The following IQCH variants were observed in gnomAD, a reference collection of about 807,000 sequenced individuals.
IQCH encodes the protein IQ domain-containing protein H.
A neutral mutation model predicts 117.0 loss-of-function variants in IQCH; 98 were observed. The ratio of observed to expected loss-of-function variants is 0.84; its 90% CI spans 0.71 to 0.99. The LOEUF (loss-of-function observed/expected upper bound fraction) is 0.99, where lower values mean the gene tolerates loss of function less well. Among genes scored for constraint, IQCH ranks in the 50% least tolerant of loss-of-function variants. The probability of loss-of-function intolerance (pLI) is 0.00; values close to 1 mark genes in which losing one functional copy is unlikely to be tolerated. For missense variants in IQCH, 1,102 were observed against 1,243.8 expected (o/e 0.89, Z 1.72); for synonymous variants, 412 against 448.2 (o/e 0.92, Z 1.02).
rs1190099654 is a variant in IQCH at position 67,413,074 on chromosome 15, T to G, written c.2098-3857T>G. On this transcript the variant is annotated intron_variant, in intron 14 of 20. Transcript: ENST00000335894. The surrounding 1 kb of genome is among the most constrained non-coding windows in gnomAD (Gnocchi z 5.0). Reference sequence around the variant, plus strand: ...GAGTGTTTGTCTGTTATGGAAGGTGTGTGTGTGTGTGTGTGTGTGTGTGTG... The same window carrying G: ...GAGTGTTTGTCTGTTATGGAAGGTGGGTGTGTGTGTGTGTGTGTGTGTGTG... Among the ~76,000 whole-genome samples the G allele has an allele frequency of 6.9e-6, 1 of 145,192 alleles. No homozygotes were observed. Among genetic ancestry groups the G allele is most frequent in the Non-Finnish European group, 1.5e-5 (1 of 67,502 alleles).
chr15:67,344,481 T>C (rs756574138), intron 6 of IQCH, among the ~76,000 whole-genome samples: 22 of 152,216 alleles, frequency 1.4e-4, no homozygotes, highest in Non-Finnish European at 5.9e-5. Flanking sequence ...AAAAAGATGA[T>C]GTGGATTTAT....
intron 16 of IQCH, among the ~76,000 whole-genome samples, chr15:67,439,537 G>A (rs1172513581): frequency 1.3e-5 from 2 of 152,008 alleles, no homozygotes; most frequent in Admixed American, 1.3e-4. Context: ...CAGAAGAAAG[G>A]AAATTACCAA....
chr15:67,341,880 T>A (rs1283693822), intron 5 of IQCH, among the ~76,000 whole-genome samples: 1 of 152,206 alleles, frequency 6.6e-6, no homozygotes, highest in Non-Finnish European at 1.5e-5. Flanking sequence ...TAAATTTGCA[T>A]GTGTATAAAC....
chr15:67,348,387 A>G (rs1177966647), intron 6 of IQCH, among the ~76,000 whole-genome samples: 1 of 152,092 alleles, frequency 6.6e-6, no homozygotes, highest in Non-Finnish European at 1.5e-5. Context: ...ACACGCACAC[A>G]CAAAAGCTAC....
intron 4 of IQCH, among the ~76,000 whole-genome samples, chr15:67,290,206 C>A (rs1215174907): frequency 6.6e-6 from 1 of 152,050 alleles, no homozygotes; most frequent in Admixed American, 6.6e-5. Flanking sequence ...AGGCTTCTGT[C>A]AGAGCTTTTC....
In IQCH at chr15:67,416,527, A is replaced by AT. The variant is rs2081581849; in HGVS notation, c.2098-404_2098-403insT. Among the ~76,000 whole-genome samples the AT allele has an allele frequency of 6.6e-6, 1 of 152,134 alleles. No homozygotes were observed. The highest frequency in any genetic ancestry group is 6.5e-5 in the Admixed American group (1 of 15,294). ...AGCAAAACTGCGTCTCAAAAAAAAA[A>AT]AGAAAAAACAAAAAACAAAAACAAA... On this transcript the variant is annotated intron_variant, in intron 14 of 20. Transcript: ENST00000335894. This position sits in a 1 kb window ranked among gnomAD's most constrained non-coding sequence, Gnocchi z 5.1.
At position 67,433,213 on chromosome 15, in the gene IQCH, A is replaced by G. The variant is rs747130663; in HGVS notation, c.2505+11636A>G. Among the ~76,000 whole-genome samples, 1 of 152,210 alleles carries G rather than the reference A, an allele frequency of 6.6e-6. No homozygotes were observed. Among genetic ancestry groups the G allele is most frequent in the Non-Finnish European group, 1.5e-5 (1 of 68,038 alleles). ...TTAAAAGGGCTGTATCTTTGTGTCA[A>G]TGAAAGAGACCTATAATATGCAAGT... is the stretch of plus-strand genomic sequence containing the variant. On this transcript the variant is annotated intron_variant, in intron 16 of 20. Transcript: ENST00000335894. The surrounding 1 kb of genome is among the most constrained non-coding windows in gnomAD (Gnocchi z 5.4).
At chr15:67,277,607 C>T (rs1305974937) in intron 3 of IQCH, among the ~76,000 whole-genome samples, 2 of 150,748 alleles carry the variant, frequency 1.3e-5, no homozygotes, top group African/African-American at 4.9e-5. Flanking sequence ...AATCTCGGCT[C>T]ACTGCAAGCT....
chr15:67,475,687 C>A lies in IQCH; in HGVS notation c.2677-9C>A, dbSNP rs1295167622. 1 of 1,613,048 alleles carries A rather than the reference C, an allele frequency of 6.2e-7. No individual in the cohort carries two copies. Among genetic ancestry groups the A allele is most frequent in the East Asian group, 2.2e-5 (1 of 44,884 alleles). On this transcript the variant is annotated splice_polypyrimidine_tract_variant and intron_variant, in intron 17 of 20. Transcript: ENST00000335894. The surrounding 1 kb of genome is among the most constrained non-coding windows in gnomAD (Gnocchi z 5.7). ...TATCTGTTTAATATTCAGTTGTGCT[C>A]CTTTCCAGATGCTGGCAACCAGTCG... is the stretch of plus-strand genomic sequence containing the variant.
At chr15:67,367,026 A>G (rs1459380600) in intron 8 of IQCH, among the ~76,000 whole-genome samples, 6 of 152,112 alleles carry the variant, frequency 3.9e-5, no homozygotes, top group Non-Finnish European at 8.8e-5. Context: ...GGGGTGACAC[A>G]TTAAGTCAGA....
chr15:67,322,120 T>G (rs189279897), intron 4 of IQCH, among the ~76,000 whole-genome samples: 9 of 152,370 alleles, frequency 5.9e-5, no homozygotes, highest in African/African-American at 2.2e-4. Context: ...AATTTTTGTT[T>G]TACATATTTT....
At chr15:67,281,002 C>T (rs1363652887) in intron 4 of IQCH, among the ~76,000 whole-genome samples, 3 of 152,064 alleles carry the variant, frequency 2.0e-5, no homozygotes, top group Non-Finnish European at 4.4e-5. Context: ...CCCACCACCA[C>T]GCCCGGCTAA....
chr15:67,421,197 C>T, intron 15 of IQCH, 94 bp from the exon 16 acceptor site: 5 of 1,052,992 alleles, frequency 4.7e-6, no homozygotes, highest in Non-Finnish European at 6.9e-6. Context: ...AGCTACTTGC[C>T]CAAAGTCTTT....
intron 16 of IQCH, among the ~76,000 whole-genome samples, chr15:67,464,585 C>T (rs1013699695): frequency 1.3e-5 from 2 of 152,188 alleles, no homozygotes; most frequent in African/African-American, 4.8e-5. Context: ...TTACCCTTCA[C>T]TCTCATGAGA....
chr15:67,295,964 A>G (rs1183157921), intron 4 of IQCH, among the ~76,000 whole-genome samples: 1 of 152,128 alleles, frequency 6.6e-6, no homozygotes, highest in Non-Finnish European at 1.5e-5. Context: ...GCTGTTCTTG[A>G]CCACCATATC....
At chr15:67,332,700 G>A (rs1281935039) in intron 4 of IQCH, among the ~76,000 whole-genome samples, 1 of 152,164 alleles carries the variant, frequency 6.6e-6, no homozygotes, top group African/African-American at 2.4e-5. Context: ...GGGGAGGTGA[G>A]GGAGTGGAGA....
chr15:67,280,402 A>G (rs978336437), intron 4 of IQCH, among the ~76,000 whole-genome samples: 3 of 152,218 alleles, frequency 2.0e-5, no homozygotes, highest in Admixed American at 2.0e-4. Flanking sequence ...AAACAACAGA[A>G]TTCTATTTCT....
At chr15:67,263,243 A>T in intron 3 of IQCH, 27 bp downstream of exon 3, 1 of 1,095,128 alleles carries the variant, frequency 9.1e-7, no homozygotes, top group Non-Finnish European at 1.4e-6. Context: ...TTTAGAGCCC[A>T]AAGTAAATAA....
At position 67,372,676 on chromosome 15, in the gene IQCH, C is replaced by A; in HGVS notation, c.1305+14C>A. The A allele has an allele frequency of 6.3e-7, 1 of 1,584,602 alleles. No homozygotes were observed. Among genetic ancestry groups the A allele is most frequent in the Non-Finnish European group, 8.6e-7 (1 of 1,165,482 alleles). On this transcript the variant is annotated intron_variant, in intron 9 of 20. Transcript: ENST00000335894. ...ATTCGAGCCAAGGTGCACAAGGCTG[C>A]CAGCTGTTAAGGCAGACCTCTTTTT...
Sources: gnomAD v4.1 joint callset for allele counts (sites outside exome capture counted in the v4.1 genomes callset) on GRCh38, gnomAD v4.1.1 for gene constraint, Gnocchi (gnomAD v3.1) non-coding constraint, MANE v1.5 for transcripts, NCBI Gene and HGNC (gene_info 2026-07-23, HGNC 2026-07-21) for gene names.